ZNF793: variants seen among roughly 807,000 people sequenced by gnomAD.
ZNF793 encodes the protein zinc finger protein 793.
In ZNF793, 5 loss-of-function variants were observed where a neutral mutation model predicts 12.4. The observed-to-expected ratio is 0.40, with a 90% CI of 0.21 to 0.84. The LOEUF is 0.84. ZNF793 is among the 40% of genes least tolerant of loss of function. The probability of loss-of-function intolerance (pLI) is 0.35; values close to 1 mark genes in which losing one functional copy is unlikely to be tolerated. For missense variants in ZNF793, 456 were observed against 495.0 expected (o/e 0.92, Z 0.75); for synonymous variants, 162 against 172.4 (o/e 0.94, Z 0.47).
chr19:37,536,346 G>A (rs901640215), intron 7 of ZNF793: 6 of 397,656 alleles, frequency 1.5e-5, no homozygotes, highest in East Asian at 1.1e-4. Flanking sequence ...GGTCTGGGGC[G>A]GTGCCTTAGA....
chr19:37,525,219 A>AAC (rs1240450149), intron 5 of ZNF793, among the ~76,000 whole-genome samples: 1 of 149,526 alleles, frequency 6.7e-6, no homozygotes, highest in African/African-American at 2.5e-5. Context: ...GCTCACTGCC[A>AAC]ACTCCTCCTT....
intron 3 of ZNF793, among the ~76,000 whole-genome samples, chr19:37,521,033 G>A (rs2042371017): frequency 6.6e-6 from 1 of 150,824 alleles, no homozygotes; most frequent in Non-Finnish European, 1.5e-5. Flanking sequence ...TGTCGCCCAG[G>A]CTGGAGTGCA....
chr19:37,530,360 C>CGG (rs1479805941), intron 5 of ZNF793, among the ~76,000 whole-genome samples: 1 of 152,138 alleles, frequency 6.6e-6, no homozygotes, highest in African/African-American at 2.4e-5. Flanking sequence ...TTATGGGTGT[C>CGG]GGGCTGGGGG....
intron 7 of ZNF793, 90 bp downstream of exon 7, chr19:37,533,493 A>G: frequency 1.8e-6 from 2 of 1,136,070 alleles, no homozygotes; most frequent in Non-Finnish European, 2.6e-6. Flanking sequence ...AAGCCTTGAA[A>G]GTCCTCCGAG....
upstream of ZNF793, chr19:37,506,469 C>G (rs777500492): frequency 1.3e-5 from 2 of 152,264 alleles, no homozygotes; most frequent in Non-Finnish European, 2.9e-5. Flanking sequence ...CTTCGCTGCT[C>G]TCTAACTCCT....
chr19:37,509,337 CTTTCTA>C (rs1396180666), intron 2 of ZNF793, among the ~76,000 whole-genome samples: 3 of 152,180 alleles, frequency 2.0e-5, no homozygotes, highest in Admixed American at 6.5e-5. Context: ...CAGTATTTGA[CTTTCTA>C]TTTCTGAGTT....
In ZNF793 at chr19:37,540,621, C is replaced by G; in HGVS notation, c.*2742C>G. The G allele has an allele frequency of 6.6e-6, 1 of 151,448 alleles. No individual in the cohort carries two copies. Among genetic ancestry groups the G allele is most frequent in the African/African-American group, 2.4e-5 (1 of 41,354 alleles). The allele number at this position is 151,448 out of a possible 1,614,324, so 9.4% of individuals were successfully genotyped here. On this transcript the variant is annotated 3_prime_UTR_variant, in exon 8 of 8. Transcript: ENST00000627814. ...TTATGCCAAAGCCATTTTTTAAAAT[C>G]AGGAATTCAATATTGGCTTAGAGAT...
chr19:37,510,271 G>C (rs541898737), intron 2 of ZNF793, among the ~76,000 whole-genome samples: 1 of 151,584 alleles, frequency 6.6e-6, no homozygotes, highest in Non-Finnish European at 1.5e-5. Flanking sequence ...TTGGGAGGCC[G>C]AGGCAGGTGG....
At chr19:37,509,463 G>A (rs2042276269) in intron 2 of ZNF793, among the ~76,000 whole-genome samples, 1 of 152,192 alleles carries the variant, frequency 6.6e-6, no homozygotes, top group Non-Finnish European at 1.5e-5. Flanking sequence ...AAAGCACAAT[G>A]CCTGTAGCAT....
At chr19:37,508,775 GCAAA>G (rs1243284839) in intron 2 of ZNF793, among the ~76,000 whole-genome samples, 3 of 152,118 alleles carry the variant, frequency 2.0e-5, no homozygotes, top group Non-Finnish European at 2.9e-5. Context: ...GGCTGAAAGA[GCAAA>G]CAGAGTGTTT....
At chr19:37,522,405 C>G (rs1231608484) in intron 3 of ZNF793, 127 bp from the exon 4 acceptor site, 1 of 152,148 alleles carries the variant, frequency 6.6e-6, no homozygotes. Context: ...ACCATGTTGG[C>G]CAGGCTGGTC....
chr19:37,534,165 C>CG (rs2042484652), intron 7 of ZNF793: 1 of 152,162 alleles, frequency 6.6e-6, no homozygotes, highest in African/African-American at 2.4e-5. Context: ...GTCAGCCTCC[C>CG]GTTTTTCCAG....
At chr19:37,521,401 G>A (rs2042374479) in intron 3 of ZNF793, among the ~76,000 whole-genome samples, 1 of 150,192 alleles carries the variant, frequency 6.7e-6, no homozygotes, top group Non-Finnish European at 1.5e-5. Flanking sequence ...GGGATTACAG[G>A]CATGAATCAC....
intron 3 of ZNF793, among the ~76,000 whole-genome samples, chr19:37,521,071 T>C (rs2042371470): frequency 6.6e-6 from 1 of 150,594 alleles, no homozygotes; most frequent in Admixed American, 6.6e-5. Flanking sequence ...CACTGCAAGC[T>C]CCACCTCCTG....
chr19:37,506,991 A>G (rs1242357949), intron 1 of ZNF793, 25 bp downstream of exon 1: 1 of 152,168 alleles, frequency 6.6e-6, no homozygotes, highest in Non-Finnish European at 1.5e-5. Flanking sequence ...CAGGACGACC[A>G]ATTTCAGATT....
At chr19:37,524,831 A>G (rs766826122) in intron 5 of ZNF793, among the ~76,000 whole-genome samples, 2 of 152,210 alleles carry the variant, frequency 1.3e-5, no homozygotes, top group Non-Finnish European at 2.9e-5. Flanking sequence ...TTACGCACAT[A>G]AAAGTATGAA....
rs550580131 is a variant in ZNF793 at position 37,522,614 on chromosome 19, T to G, written c.-64T>G. 1 of 152,322 alleles carries G rather than the reference T, an allele frequency of 6.6e-6. No individual in the cohort carries two copies. The highest frequency in any genetic ancestry group is 2.4e-5 in the African/African-American group (1 of 41,582). The allele number at this position is 152,322 out of a possible 1,614,324, so 9.4% of individuals were successfully genotyped here. Reference sequence around the variant, plus strand: ...ATCAGGAGCAGTTTCTCAGTGTTCATCTTCCATGAAGTCGACATTTTTGAA... The same window carrying G: ...ATCAGGAGCAGTTTCTCAGTGTTCAGCTTCCATGAAGTCGACATTTTTGAA... On this transcript the variant is annotated 5_prime_UTR_variant, in exon 4 of 8. Coordinates refer to ENST00000627814, the MANE Select transcript of ZNF793 (RefSeq NM_001013659.3).
In ZNF793 at chr19:37,530,413, A is replaced by G. The variant is rs190631424; in HGVS notation, c.16-1943A>G. 1.1e-3 allele frequency among the ~76,000 whole-genome samples: 174 copies of G among 152,226 alleles called. 3 individuals carry two copies. The East Asian group carries it at 0.031, about 27-fold the overall frequency. On this transcript the variant is annotated intron_variant, in intron 5 of 7. Transcript: ENST00000627814. Reference sequence around the variant, plus strand: ...TTCCCACGAGGCCGTATTTCAGACTATCACATGGGGAGAAACCTTGGACAA... The same window carrying G: ...TTCCCACGAGGCCGTATTTCAGACTGTCACATGGGGAGAAACCTTGGACAA...
chr19:37,515,463 C>A (rs574058980), intron 2 of ZNF793, among the ~76,000 whole-genome samples: 11 of 152,114 alleles, frequency 7.2e-5, no homozygotes, highest in African/African-American at 2.6e-4. Flanking sequence ...GCCCGCCACC[C>A]CACCCGGCCA....
Sources: gnomAD v4.1 joint callset for allele counts (sites outside exome capture counted in the v4.1 genomes callset) on GRCh38, gnomAD v4.1.1 for gene constraint, MANE v1.5 for transcripts, NCBI Gene and HGNC (gene_info 2026-07-23, HGNC 2026-07-21) for gene names.